Variants in ATP10A observed in about 807,000 individuals in gnomAD.
ATP10A encodes the protein ATPase phospholipid transporting 10A (putative).
A neutral mutation model predicts 147.8 loss-of-function variants in ATP10A; 111 were observed. The ratio of observed to expected loss-of-function variants is 0.75; its 90% CI spans 0.64 to 0.88. The LOEUF (loss-of-function observed/expected upper bound fraction) is 0.88. Among genes scored for constraint, ATP10A ranks in the 40% least tolerant of loss-of-function variants. ATP10A has a pLI of 0.00. For synonymous variants in ATP10A, 875 were observed against 841.6 expected (o/e 1.04, Z -0.69); for missense variants, 1,927 against 1,959.0 (o/e 0.98, Z 0.31).
intron 1 of ATP10A, among the ~76,000 whole-genome samples, chr15:25,846,871 TATAAG>T (rs1893045931): frequency 6.6e-6 from 1 of 152,212 alleles, no homozygotes; most frequent in East Asian, 1.9e-4. Context: ...TTTCAATAGA[TATAAG>T]ATATTTATGC....
At chr15:25,799,988 T>C (rs8040572) in intron 1 of ATP10A, among the ~76,000 whole-genome samples, 134,821 of 152,142 alleles carry the variant, frequency 0.89, 60,594 homozygotes, top group Non-Finnish European at 0.96. Flanking sequence ...TCCAACTCCT[T>C]CTCAGTCTCA....
intron 2 of ATP10A, among the ~76,000 whole-genome samples, chr15:25,753,767 A>G: frequency 6.7e-6 from 1 of 148,490 alleles, no homozygotes; most frequent in Non-Finnish European, 1.5e-5. Flanking sequence ...ATATAGTTAT[A>G]TATATGATAT....
At position 25,713,670 on chromosome 15, in the gene ATP10A, G is replaced by GTACC; in HGVS notation, c.2344_2344+3dup. 1 of 1,613,224 alleles carries GTACC rather than the reference G, an allele frequency of 6.2e-7. No homozygotes were observed. Among genetic ancestry groups the GTACC allele is most frequent in the African/African-American group, 1.3e-5 (1 of 75,048 alleles). Reference sequence around the variant, plus strand: ...GGGGTGCAGCTGGGCAGGGGTGGGAGTACCTGAAGAGCAGGGCTGCAGGAG... The same window carrying GTACC: ...GGGGTGCAGCTGGGCAGGGGTGGGAGTACCTACCTGAAGAGCAGGGCTGCAGGAG... On this transcript the variant is annotated splice_donor_region_variant and intron_variant, in intron 10 of 20. Transcript: ENST00000555815.
At chr15:25,691,848 A>T (rs187938607) in intron 14 of ATP10A, 57 bp from the exon 15 acceptor site, 2 of 1,605,350 alleles carry the variant, frequency 1.2e-6, no homozygotes, top group Admixed American at 3.3e-5. Context: ...ACAGAATCAA[A>T]TCAATGTGCT....
At chr15:25,698,205 A>T (rs1232898482) in intron 13 of ATP10A, among the ~76,000 whole-genome samples, 4 of 152,248 alleles carry the variant, frequency 2.6e-5, no homozygotes, top group Admixed American at 2.6e-4. Context: ...CTAATGTAAG[A>T]TCAGTAACAA....
chr15:25,854,134 G>A (rs1373626304), intron 1 of ATP10A, among the ~76,000 whole-genome samples: 2 of 152,046 alleles, frequency 1.3e-5, no homozygotes, highest in African/African-American at 4.8e-5. Context: ...TCTAGAGCTG[G>A]GCCAGCCAAA....
In ATP10A at chr15:25,686,580, C is replaced by CTTTTA. The variant is rs1156440655; in HGVS notation, c.3291+1118_3291+1122dup. ...ATACAGAACTGGAAAAAGAATACAC[C>CTTTTA]TTTTATTTTATTTTATTTTCAGAAG... On this transcript the variant is annotated intron_variant, in intron 16 of 20. Transcript: ENST00000555815. 3.7e-5 allele frequency among the ~76,000 whole-genome samples: 4 copies of CTTTTA among 107,336 alleles called. 1 individual carries two copies. The highest frequency in any genetic ancestry group is 1.3e-4 in the African/African-American group (2 of 15,376). The allele number at this position is 107,336 out of a possible 152,430, so 70.4% of individuals were successfully genotyped here. A position where few individuals can be genotyped will look rare whatever the true frequency, so the allele number is the denominator to read the frequency against.
intron 1 of ATP10A, among the ~76,000 whole-genome samples, chr15:25,823,130 T>G (rs2140849268): frequency 6.6e-6 from 1 of 152,280 alleles, no homozygotes; most frequent in African/African-American, 2.4e-5. Flanking sequence ...GAAACTGGGG[T>G]TTGGGCTTGG....
rs2076742 is a variant in ATP10A, at chr15:25,681,051, C to T, written c.3516G>A (p.Trp1172Ter). 6.2e-7 allele frequency: 1 copy of T among 1,613,724 alleles called. No homozygotes were observed. Among genetic ancestry groups the T allele is most frequent in the African/African-American group, 1.3e-5 (1 of 75,006 alleles). Residue 1172 changes from tryptophan (W) to a stop codon, truncating the protein, a stop_gained, in exon 18 of 21, where the codon TGG (tryptophan) becomes TGA (stop). Transcript: ENST00000555815. LOFTEE classifies it high-confidence loss of function. The stretch of plus-strand genomic sequence containing the variant: ...GGAAGGCGGCGTCGGCCATGTTAAA[C>T]CAGAACGTTCGTGGCCGGTATTCCT... The part of the protein sequence containing the change: ...NMEEYRPRTF[W>*]FNMADAAFQS...
chr15:25,837,488 G>A (rs550503747), intron 1 of ATP10A, among the ~76,000 whole-genome samples: 1 of 152,298 alleles, frequency 6.6e-6, no homozygotes, highest in Admixed American at 6.5e-5. Context: ...GGCTCCCGGC[G>A]CAGGGAGTGG....
intron 1 of ATP10A, among the ~76,000 whole-genome samples, chr15:25,799,453 C>G (rs1344089067): frequency 2.6e-5 from 4 of 152,120 alleles, no homozygotes; most frequent in African/African-American, 9.7e-5. Context: ...GCCCAAGCAC[C>G]CTAAACTCAG....
chr15:25,685,209 C>T (rs937637755), intron 16 of ATP10A, among the ~76,000 whole-genome samples: 2 of 152,152 alleles, frequency 1.3e-5, no homozygotes, highest in Non-Finnish European at 2.9e-5. Flanking sequence ...CACCTTATTC[C>T]TAAAACTAAT....
chr15:25,830,625 C>A (rs1016707390), intron 1 of ATP10A, among the ~76,000 whole-genome samples: 1 of 152,184 alleles, frequency 6.6e-6, no homozygotes. Context: ...GATCTCTTAA[C>A]AGCCCAGTTC....
chr15:25,673,868 T>C (rs1031904141), downstream of ATP10A, among the ~76,000 whole-genome samples: 14 of 152,304 alleles, frequency 9.2e-5, no homozygotes, highest in African/African-American at 3.4e-4. Context: ...GCTGCCTCAG[T>C]GCCCCACCTG....
Position 25,839,704 on chromosome 15 carries a change from A to C in ATP10A, c.449+22944T>G, listed in dbSNP as rs1243850460. Among the ~76,000 whole-genome samples the C allele has an allele frequency of 3.3e-5, 5 of 152,242 alleles. No individual in the cohort carries two copies. The South Asian group carries it at 6.2e-4, about 19-fold the overall frequency. ...CTTCTTATGCTGACTCCTTACCATTAATAACTCAATGGTCATATTTTAAGC... is the reference window on the plus strand; with the variant it reads ...CTTCTTATGCTGACTCCTTACCATTCATAACTCAATGGTCATATTTTAAGC... On this transcript the variant is annotated intron_variant, in intron 1 of 20. Transcript: ENST00000555815.
intron 5 of ATP10A, among the ~76,000 whole-genome samples, 169 bp from the exon 6 acceptor site, chr15:25,724,190 T>C (rs1483057849): frequency 6.6e-6 from 1 of 152,234 alleles, no homozygotes; most frequent in African/African-American, 2.4e-5. Flanking sequence ...CTCAGCACCT[T>C]CGATCCAACT....
intron 1 of ATP10A, among the ~76,000 whole-genome samples, chr15:25,858,916 T>C (rs1211400939): frequency 4.6e-5 from 7 of 151,970 alleles, no homozygotes; most frequent in African/African-American, 1.7e-4. Flanking sequence ...AACAATAGCC[T>C]AGGCAGGCTT....
At chr15:25,703,388 T>C (rs545876796) in intron 12 of ATP10A, among the ~76,000 whole-genome samples, 1 of 152,216 alleles carries the variant, frequency 6.6e-6, no homozygotes, top group South Asian at 2.1e-4. Context: ...ATTGGAAAGG[T>C]GATTTCTCAA....
intron 1 of ATP10A, among the ~76,000 whole-genome samples, chr15:25,828,827 T>A (rs1011770331): frequency 6.6e-6 from 1 of 152,212 alleles, no homozygotes; most frequent in Non-Finnish European, 1.5e-5. Flanking sequence ...GTGTTTTACA[T>A]GTGCTGTTGT....
Sources: gnomAD v4.1 joint callset for allele counts (sites outside exome capture counted in the v4.1 genomes callset) on GRCh38, gnomAD v4.1.1 for gene constraint, MANE v1.5 for transcripts, NCBI Gene and HGNC (gene_info 2026-07-23, HGNC 2026-07-21) for gene names.